Variants in OCA2 observed in about 807,000 individuals in gnomAD.
The protein encoded by OCA2 is OCA2 melanosomal transmembrane protein, also known as P protein.
In OCA2, 77 loss-of-function variants were observed where a neutral mutation model predicts 100.2. The observed-to-expected ratio is 0.77, with a 90% CI of 0.64 to 0.93. The LOEUF (loss-of-function observed/expected upper bound fraction) is 0.93. Ranked by LOEUF, OCA2 falls within the 40% of genes least tolerant of loss-of-function variation. The pLI, the probability that OCA2 is intolerant of heterozygous loss-of-function variation, is 0.00. For missense variants in OCA2, 1,062 were observed against 1,089.1 expected, an observed-to-expected ratio of 0.98 and a Z score of 0.35; for synonymous variants, 432 against 439.2, an observed-to-expected ratio of 0.98 and a Z score of 0.21.
intron 14 of OCA2, among the ~76,000 whole-genome samples, chr15:27,982,782 A>C (rs867853469): frequency 6.6e-4 from 100 of 152,356 alleles, no homozygotes; most frequent in African/African-American, 2.4e-3. Flanking sequence ...AGTAGAGAAT[A>C]AAAATTAATG....
At chr15:27,856,722 A>T (rs2035962222) in intron 21 of OCA2, among the ~76,000 whole-genome samples, 1 of 152,012 alleles carries the variant, frequency 6.6e-6, no homozygotes, top group Non-Finnish European at 1.5e-5. Context: ...ACACACACAC[A>T]CACACACACA....
intron 23 of OCA2, among the ~76,000 whole-genome samples, chr15:27,763,919 C>T (rs2031044103): frequency 6.6e-6 from 1 of 152,150 alleles, no homozygotes; most frequent in Admixed American, 6.5e-5. Flanking sequence ...GCTGATCACC[C>T]CAGGCCAAGG....
intron 18 of OCA2, among the ~76,000 whole-genome samples, chr15:27,937,977 C>T (rs1272961264): frequency 6.6e-6 from 1 of 152,102 alleles, no homozygotes; most frequent in Non-Finnish European, 1.5e-5. Context: ...ATTTAAAAAG[C>T]TGAGTCACAA....
intron 19 of OCA2, among the ~76,000 whole-genome samples, chr15:27,909,185 C>G (rs113848958): frequency 6.6e-6 from 1 of 152,034 alleles, no homozygotes; most frequent in South Asian, 2.1e-4. Context: ...TTTTATAATA[C>G]CTTTAACAAA....
intron 14 of OCA2, among the ~76,000 whole-genome samples, chr15:27,972,274 T>C (rs1228720542): frequency 1.3e-5 from 2 of 152,342 alleles, no homozygotes; most frequent in South Asian, 2.1e-4. Context: ...GTTGAGTCCA[T>C]ATCTCTGCAG....
At chr15:27,790,286 C>A (rs967246471) in intron 23 of OCA2, among the ~76,000 whole-genome samples, 2 of 152,200 alleles carry the variant, frequency 1.3e-5, no homozygotes, top group African/African-American at 2.4e-5. Flanking sequence ...GGAAAACGAA[C>A]TTTCATACAT....
intron 19 of OCA2, among the ~76,000 whole-genome samples, chr15:27,913,014 A>C (rs1361183434): frequency 6.6e-6 from 1 of 152,198 alleles, no homozygotes; most frequent in Non-Finnish European, 1.5e-5. Flanking sequence ...CAAACTGAGA[A>C]ATCTCTACAA....
At chr15:27,897,181 C>G (rs1170429610) in intron 19 of OCA2, among the ~76,000 whole-genome samples, 1 of 132,054 alleles carries the variant, frequency 7.6e-6, no homozygotes, top group Non-Finnish European at 1.5e-5. Flanking sequence ...CAGAGCAAGA[C>G]TCCGTCTCAA....
At chr15:27,877,951 G>A (rs1443731242) in intron 19 of OCA2, among the ~76,000 whole-genome samples, 4 of 150,720 alleles carry the variant, frequency 2.7e-5, no homozygotes, top group African/African-American at 4.9e-5. Context: ...CTTGAATATT[G>A]TATTTTCATC....
At chr15:28,003,916 T>G (rs1368485133) in intron 9 of OCA2, among the ~76,000 whole-genome samples, 1 of 152,112 alleles carries the variant, frequency 6.6e-6, no homozygotes, top group Non-Finnish European at 1.5e-5. Context: ...CGGGGAAAGG[T>G]GACCTGAGAG....
chr15:27,891,290 T>C (rs987364738), intron 19 of OCA2, among the ~76,000 whole-genome samples: 7 of 151,924 alleles, frequency 4.6e-5, no homozygotes, highest in African/African-American at 4.8e-5. Flanking sequence ...TCCAAAACTA[T>C]ACAAAGAGAA....
At chr15:28,003,940 A>AG (rs1339537181) in intron 9 of OCA2, among the ~76,000 whole-genome samples, 1 of 152,158 alleles carries the variant, frequency 6.6e-6, no homozygotes, top group Non-Finnish European at 1.5e-5. Context: ...TGCGAAACCG[A>AG]GGGACTCAAC....
intron 1 of OCA2, among the ~76,000 whole-genome samples, chr15:28,095,950 G>A (rs1342012314): frequency 1.3e-5 from 2 of 152,180 alleles, no homozygotes; most frequent in East Asian, 3.9e-4. Context: ...CGTCCCTAAT[G>A]CGCTGCTCAG....
chr15:27,798,207 G>T (rs573507081), intron 23 of OCA2, among the ~76,000 whole-genome samples: 29 of 152,322 alleles, frequency 1.9e-4, no homozygotes, highest in African/African-American at 6.7e-4. Context: ...GGAAGAGGAA[G>T]GGCCAGGCTA....
rs796404510 is a variant in OCA2 at position 27,806,432 on chromosome 15, G to T, written c.2432+38527C>A. 3.8e-4 allele frequency among the ~76,000 whole-genome samples: 58 copies of T among 152,312 alleles called. 1 individual carries two copies. Among genetic ancestry groups the T allele is most frequent in the African/African-American group, 1.3e-3 (56 of 41,588 alleles). On this transcript the variant is annotated intron_variant, in intron 23 of 23. Coordinates refer to ENST00000354638, the MANE Select transcript of OCA2 (RefSeq NM_000275.3). ...CTGTGAGATGCGTGGGCGAGCTTGG[G>T]GAGTAAGCAAGGGAATTCAGACGTG...
In OCA2 at chr15:27,777,856, T is replaced by G. The variant is rs566396801; in HGVS notation, c.2433-22384A>C. Among the ~76,000 whole-genome samples the G allele has an allele frequency of 2.0e-5, 3 of 152,334 alleles. No individual in the cohort carries two copies. The South Asian group carries it at 6.2e-4, about 32-fold the overall frequency. Reference sequence around the variant, plus strand: ...CTGACTGCCTTATTATTTGCTGCTCTGAATTTCATATTCATGGAAGAAATT... The same window carrying G: ...CTGACTGCCTTATTATTTGCTGCTCGGAATTTCATATTCATGGAAGAAATT... On this transcript the variant is annotated intron_variant, in intron 23 of 23. Coordinates refer to ENST00000354638, the MANE Select transcript of OCA2 (RefSeq NM_000275.3).
chr15:27,741,076 T>C, the OCA2 span, among the ~76,000 whole-genome samples: 7 of 152,216 alleles, frequency 4.6e-5, no homozygotes, highest in African/African-American at 1.7e-4. Context: ...CACATCCTTG[T>C]GTACAGCACA....
intron 15 of OCA2, 37 bp downstream of exon 15, chr15:27,966,653 G>T: frequency 6.2e-7 from 1 of 1,611,730 alleles, no homozygotes; most frequent in South Asian, 1.1e-5. Context: ...TTATGGTCAT[G>T]AAATCTGAGC....
intron 6 of OCA2, among the ~76,000 whole-genome samples, chr15:28,019,475 A>C (rs2042520221): frequency 6.6e-6 from 1 of 152,160 alleles, no homozygotes; most frequent in South Asian, 2.1e-4. Context: ...AGGTGCTACA[A>C]TTACAGGCTT....
Sources: gnomAD v4.1 joint callset for allele counts (sites outside exome capture counted in the v4.1 genomes callset) on GRCh38, gnomAD v4.1.1 for gene constraint, MANE v1.5 for transcripts, NCBI Gene and HGNC (gene_info 2026-07-23, HGNC 2026-07-21) for gene names.